Variants in RBMS3 observed in about 807,000 individuals in gnomAD.
The protein encoded by RBMS3 is RNA-binding motif, single-stranded-interacting protein 3.
Under a neutral mutation model 66.8 loss-of-function variants are expected in RBMS3, and 27 were observed. The observed-to-expected ratio is 0.40, with a 90% CI of 0.30 to 0.56. The LOEUF is 0.56. RBMS3 is among the 20% of genes least tolerant of loss of function. The pLI, the probability that RBMS3 is intolerant of heterozygous loss-of-function variation, is 0.40. For missense variants in RBMS3, 513 were observed against 549.5 expected (o/e 0.93, Z 0.66); for synonymous variants, 188 against 183.0 (o/e 1.03, Z -0.22).
intron 5 of RBMS3, among the ~76,000 whole-genome samples, chr3:29,751,427 CTG>C (rs1431399531): frequency 6.6e-6 from 1 of 152,190 alleles, no homozygotes; most frequent in African/African-American, 2.4e-5. Flanking sequence ...GGGGCACAGA[CTG>C]TGGCCTTACA....
chr3:29,800,743 A>G (rs2057363121), intron 6 of RBMS3, among the ~76,000 whole-genome samples: 1 of 152,086 alleles, frequency 6.6e-6, no homozygotes, highest in South Asian at 2.1e-4. Context: ...AAAACAAAGC[A>G]AAACAAAACC....
intron 6 of RBMS3, among the ~76,000 whole-genome samples, chr3:29,849,526 A>G (rs1355291692): frequency 8.5e-6 from 1 of 117,614 alleles, no homozygotes; most frequent in Admixed American, 8.5e-5. Flanking sequence ...CTTAAAAAAG[A>G]AAAAAAAAAA....
At chr3:29,499,371 T>G (rs1000168711) in intron 3 of RBMS3, among the ~76,000 whole-genome samples, 1 of 152,036 alleles carries the variant, frequency 6.6e-6, no homozygotes, top group Non-Finnish European at 1.5e-5. Flanking sequence ...GAAAAACTCA[T>G]GTACATAGCT....
intron 4 of RBMS3, among the ~76,000 whole-genome samples, chr3:29,671,993 C>T (rs114688332): frequency 0.027 from 4,123 of 152,176 alleles, 79 homozygotes; most frequent in Admixed American, 0.063. Flanking sequence ...GTCAGATTCA[C>T]AAAGGTTGTA....
In RBMS3 at chr3:29,551,097, G is replaced by A. The variant is rs145841626; in HGVS notation, c.308-36017G>A. Among the ~76,000 whole-genome samples, 104 of 152,328 alleles carry A rather than the reference G, an allele frequency of 6.8e-4. No homozygotes were observed. In the East Asian group the frequency reaches 0.014, roughly 20 times the overall value. On this transcript the variant is annotated intron_variant, in intron 3 of 14. Transcript: ENST00000383767. ...AATGTCTTTCACGTGAGATGCTATC[G>A]TGGAGATGAAATTTAAGCCTTGATG...
chr3:29,378,976 C>G (rs961215774), intron 1 of RBMS3, among the ~76,000 whole-genome samples: 1 of 152,198 alleles, frequency 6.6e-6, no homozygotes, highest in Non-Finnish European at 1.5e-5. Flanking sequence ...GCTGACTTAA[C>G]TTTCTCAGCC....
rs555462308 is a variant in RBMS3, at chr3:29,778,579, T to C, written c.637+15590T>C. ...GCAGATGAGGAGGCTGCATTTTATA[T>C]TATGTGTATAAATTGCTTTGATGCA... On this transcript the variant is annotated intron_variant, in intron 6 of 14. Coordinates refer to ENST00000383767, the MANE Select transcript of RBMS3 (RefSeq NM_001003793.3). 5.9e-5 allele frequency among the ~76,000 whole-genome samples: 9 copies of C among 151,918 alleles called. No homozygotes were observed. In the South Asian group the frequency reaches 1.2e-3, roughly 21 times the overall value.
chr3:29,747,374 CTAGGTAGG>C (rs199844743), intron 5 of RBMS3, among the ~76,000 whole-genome samples: 1 of 145,280 alleles, frequency 6.9e-6, no homozygotes, highest in Non-Finnish European at 1.5e-5. Flanking sequence ...ATCTATCTAT[CTAGGTAGG>C]TAGGTAGGTA....
intron 4 of RBMS3, among the ~76,000 whole-genome samples, chr3:29,684,173 T>C (rs1353865919): frequency 6.6e-6 from 1 of 152,218 alleles, no homozygotes; most frequent in Non-Finnish European, 1.5e-5. Flanking sequence ...CCCTAAACAG[T>C]AATTTTAATA....
chr3:29,960,653 A>C (rs1696367826), intron 12 of RBMS3, among the ~76,000 whole-genome samples: 1 of 152,048 alleles, frequency 6.6e-6, no homozygotes, highest in Non-Finnish European at 1.5e-5. Context: ...TTTTCCATAC[A>C]TCCTCTGAAA....
intron 6 of RBMS3, among the ~76,000 whole-genome samples, chr3:29,771,682 G>C (rs1485551172): frequency 2.0e-5 from 3 of 151,972 alleles, no homozygotes; most frequent in Non-Finnish European, 4.4e-5. Context: ...TTATAAAAAA[G>C]AGAAGTTTAG....
At chr3:29,743,934 C>T (rs1270315518) in intron 5 of RBMS3, among the ~76,000 whole-genome samples, 1 of 132,838 alleles carries the variant, frequency 7.5e-6, no homozygotes, top group Non-Finnish European at 1.6e-5. Context: ...TGTGATGTTC[C>T]CCTTCCTGTG....
At chr3:29,348,578 A>T (rs2036719948) in intron 1 of RBMS3, among the ~76,000 whole-genome samples, 1 of 152,034 alleles carries the variant, frequency 6.6e-6, no homozygotes, top group Non-Finnish European at 1.5e-5. Context: ...TGTTAAAAAA[A>T]AAAAAAAAAT....
intron 2 of RBMS3, among the ~76,000 whole-genome samples, chr3:29,443,527 C>T (rs2041705491): frequency 6.6e-6 from 1 of 152,200 alleles, no homozygotes; most frequent in Admixed American, 6.5e-5. Flanking sequence ...ACTTCATTTG[C>T]AGGAAGGAGT....
chr3:29,941,365 GAC>G (rs2061390038), intron 11 of RBMS3, among the ~76,000 whole-genome samples: 1 of 151,300 alleles, frequency 6.6e-6, no homozygotes, highest in East Asian at 2.0e-4. Flanking sequence ...TAAATATTAA[GAC>G]AGAGTTTTAA....
intron 5 of RBMS3, among the ~76,000 whole-genome samples, chr3:29,750,392 T>C (rs923906722): frequency 6.6e-6 from 1 of 152,132 alleles, no homozygotes; most frequent in Non-Finnish European, 1.5e-5. Flanking sequence ...AAAGATACAA[T>C]TGACAAGAAA....
At chr3:29,342,102 G>A (rs2036313338) in intron 1 of RBMS3, among the ~76,000 whole-genome samples, 1 of 152,148 alleles carries the variant, frequency 6.6e-6, no homozygotes, top group South Asian at 2.1e-4. Context: ...GATGTGATAA[G>A]GAGATATATT....
chr3:29,818,193 C>G (rs1252981949), intron 6 of RBMS3, among the ~76,000 whole-genome samples: 2 of 152,054 alleles, frequency 1.3e-5, no homozygotes, highest in Non-Finnish European at 2.9e-5. Flanking sequence ...CACTGAAAAT[C>G]TTAACTTCAA....
chr3:29,832,587 C>T (rs1445685383), intron 6 of RBMS3, among the ~76,000 whole-genome samples: 1 of 152,142 alleles, frequency 6.6e-6, no homozygotes, highest in East Asian at 1.9e-4. Flanking sequence ...CAATTTTTCC[C>T]ATACGTAAAA....
Sources: allele counts gnomAD v4.1 joint callset (sites outside exome capture counted in the v4.1 genomes callset), GRCh38; gene constraint gnomAD v4.1.1; transcripts MANE v1.5; gene names NCBI Gene and HGNC (gene_info 2026-07-23, HGNC 2026-07-21).